Variants in MAGI2 observed in about 807,000 individuals in gnomAD.
MAGI2 encodes the protein membrane associated guanylate kinase, WW and PDZ domain containing 2.
In MAGI2, 35 loss-of-function variants were observed where a neutral mutation model predicts 133.3. That is an observed-to-expected ratio of 0.26 (90% CI 0.20 to 0.35). The LOEUF (loss-of-function observed/expected upper bound fraction) is 0.35, where lower values mean the gene tolerates loss of function less well. MAGI2 is among the 10% of genes least tolerant of loss of function. The pLI, the probability that MAGI2 is intolerant of heterozygous loss-of-function variation, is 1.00. For missense variants in MAGI2, 1,636 were observed against 1,863.4 expected (o/e 0.88, Z 2.25); for synonymous variants, 729 against 710.6 (o/e 1.03, Z -0.41).
chr7:79,289,878 A>G (rs1836323973), intron 1 of MAGI2, among the ~76,000 whole-genome samples: 1 of 152,062 alleles, frequency 6.6e-6, no homozygotes, highest in African/African-American at 2.4e-5. Context: ...AATTGTAAAA[A>G]AAAATTTAAA....
intron 2 of MAGI2, among the ~76,000 whole-genome samples, chr7:78,857,952 G>A (rs983362307): frequency 2.0e-5 from 3 of 152,148 alleles, no homozygotes; most frequent in Non-Finnish European, 2.9e-5. Flanking sequence ...TCTAGTCAGC[G>A]ATTCAGCTTC....
At chr7:78,796,479 A>C (rs1787623111) in intron 2 of MAGI2, among the ~76,000 whole-genome samples, 1 of 152,164 alleles carries the variant, frequency 6.6e-6, no homozygotes, top group Non-Finnish European at 1.5e-5. Context: ...AAAAAGACAA[A>C]AAATAGCCAA....
At chr7:78,913,644 T>A (rs1798580217) in intron 2 of MAGI2, among the ~76,000 whole-genome samples, 1 of 152,210 alleles carries the variant, frequency 6.6e-6, no homozygotes, top group Admixed American at 6.5e-5. Flanking sequence ...AAGACTCTGT[T>A]TATTCTTTCC....
chr7:78,021,285 C>T (rs1245505755), intron 21 of MAGI2, among the ~76,000 whole-genome samples: 5 of 152,132 alleles, frequency 3.3e-5, no homozygotes, highest in Non-Finnish European at 5.9e-5. Context: ...AATTTTTCTT[C>T]CACAGAATTG....
chr7:78,335,143 T>C (rs921834299), intron 9 of MAGI2, among the ~76,000 whole-genome samples: 1 of 152,220 alleles, frequency 6.6e-6, no homozygotes, highest in Non-Finnish European at 1.5e-5. Flanking sequence ...TATTTACTAA[T>C]ATTTGACCCT....
chr7:78,783,012 C>CTTTTTTTTTTTTTTTTTTTTTT (rs11432048), intron 2 of MAGI2, among the ~76,000 whole-genome samples: 13 of 96,234 alleles, frequency 1.4e-4, no homozygotes, highest in African/African-American at 3.0e-4. Flanking sequence ...TGATTCTTAC[C>CTTTTTTTTTTTTTTTTTTTTTT]TTTTTTTTTT....
intron 2 of MAGI2, among the ~76,000 whole-genome samples, chr7:78,633,705 C>CAAAA (rs36102006): frequency 1.4e-4 from 11 of 80,844 alleles, no homozygotes; most frequent in Non-Finnish European, 1.7e-4. Flanking sequence ...GACTCCGTCT[C>CAAAA]AAAAAAAAAA....
chr7:78,603,522 T>C (rs766617920), intron 3 of MAGI2, among the ~76,000 whole-genome samples: 2 of 152,156 alleles, frequency 1.3e-5, no homozygotes, highest in African/African-American at 2.4e-5. Flanking sequence ...TTCTGGCAGA[T>C]AATATTTCTA....
At chr7:78,978,403 G>A (rs1333741838) in intron 2 of MAGI2, among the ~76,000 whole-genome samples, 2 of 151,862 alleles carry the variant, frequency 1.3e-5, no homozygotes, top group Non-Finnish European at 1.5e-5. Context: ...TTTTCTAAGT[G>A]AAAGTTGGTC....
At chr7:79,354,708 C>A (rs1563145835) in intron 1 of MAGI2, among the ~76,000 whole-genome samples, 1 of 152,112 alleles carries the variant, frequency 6.6e-6, no homozygotes, top group Non-Finnish European at 1.5e-5. Flanking sequence ...GGGCATTTAC[C>A]CAAAAAGCCT....
intron 9 of MAGI2, among the ~76,000 whole-genome samples, chr7:78,309,249 G>C (rs571238245): frequency 1.3e-5 from 2 of 152,264 alleles, no homozygotes; most frequent in African/African-American, 4.8e-5. Flanking sequence ...TATGTTCACT[G>C]TGGCACTATT....
intron 3 of MAGI2, chr7:78,616,567 G>C (rs1376143532): frequency 6.6e-6 from 1 of 151,612 alleles, no homozygotes; most frequent in Non-Finnish European, 1.5e-5. Flanking sequence ...GCCATAGCAA[G>C]ATAAGAACTA....
chr7:78,176,199 T>G (rs1392968359), intron 14 of MAGI2, among the ~76,000 whole-genome samples: 1 of 152,170 alleles, frequency 6.6e-6, no homozygotes, highest in South Asian at 2.1e-4. Context: ...AGTCTCTGAA[T>G]AAATTTAAGT....
At chr7:78,562,455 G>T (rs1023130860) in intron 3 of MAGI2, among the ~76,000 whole-genome samples, 20 of 152,168 alleles carry the variant, frequency 1.3e-4, no homozygotes, top group African/African-American at 4.6e-4. Context: ...AATCCAAACA[G>T]TAGGAAAGAA....
chr7:78,627,017 A>T (rs951164401), intron 3 of MAGI2, 103 bp downstream of exon 3: 2 of 1,246,616 alleles, frequency 1.6e-6, no homozygotes, highest in Non-Finnish European at 2.1e-6. Context: ...AAAGCTCTCA[A>T]ACCCAAAACA....
intron 3 of MAGI2, among the ~76,000 whole-genome samples, chr7:78,569,753 T>C (rs1298670907): frequency 1.3e-5 from 2 of 152,170 alleles, no homozygotes; most frequent in African/African-American, 4.8e-5. Context: ...CATGAAAACA[T>C]AGAATTTTAT....
In MAGI2 at chr7:79,021,628, A is replaced by G. The variant is rs115354260; in HGVS notation, c.302-14422T>C. Among the ~76,000 whole-genome samples the G allele has an allele frequency of 9.4e-3, 1,433 of 152,284 alleles. 20 individuals are homozygous for G. The highest frequency in any genetic ancestry group is 0.033 in the African/African-American group (1,383 of 41,548). ...GTGTTTACTCAATGCCTATATCACC[A>G]TTGTATCTAGGAAGTAACTAACTTG... is the stretch of plus-strand genomic sequence containing the variant. On this transcript the variant is annotated intron_variant, in intron 1 of 21. Transcript: ENST00000354212.
At chr7:78,245,387 G>C (rs184751743) in intron 10 of MAGI2, among the ~76,000 whole-genome samples, 1 of 152,126 alleles carries the variant, frequency 6.6e-6, no homozygotes, top group African/African-American at 2.4e-5. Context: ...GCACATTGTG[G>C]GCATTCAAAA....
intron 1 of MAGI2, among the ~76,000 whole-genome samples, chr7:79,176,373 T>C (rs1826097128): frequency 6.6e-6 from 1 of 151,958 alleles, no homozygotes; most frequent in Admixed American, 6.6e-5. Context: ...AAGCATCCTG[T>C]TGAATTAGGC....
Sources: gnomAD v4.1 joint callset for allele counts (sites outside exome capture counted in the v4.1 genomes callset) on GRCh38, gnomAD v4.1.1 for gene constraint, MANE v1.5 for transcripts, NCBI Gene and HGNC (gene_info 2026-07-23, HGNC 2026-07-21) for gene names.